BCO2: variants seen among roughly 807,000 people sequenced by gnomAD.
The protein encoded by BCO2 is carotenoid-cleaving dioxygenase, mitochondrial.
BCO2 carries 56 observed loss-of-function variants against 65.8 expected under a neutral mutation model. That is an observed-to-expected ratio of 0.85 (90% confidence interval 0.69 to 1.06). The LOEUF (loss-of-function observed/expected upper bound fraction) is 1.06. Among genes scored for constraint, BCO2 ranks in the 50% least tolerant of loss-of-function variants. The probability of loss-of-function intolerance (pLI) is 0.00; values close to 1 mark genes in which losing one functional copy is unlikely to be tolerated. For synonymous variants in BCO2, 233 were observed against 242.3 expected, an observed-to-expected ratio of 0.96 and a Z score of 0.36; for missense variants, 675 against 698.5, an observed-to-expected ratio of 0.97 and a Z score of 0.38.
chr11:112,195,782 G>A (rs958431090), intron 5 of BCO2, among the ~76,000 whole-genome samples: 3 of 152,198 alleles, frequency 2.0e-5, no homozygotes, highest in Admixed American at 6.5e-5. Context: ...CTAGATCTGT[G>A]ATTTTCAACC....
chr11:112,217,667 G>A, intron 11 of BCO2, 94 bp from the exon 12 acceptor site: 1 of 825,452 alleles, frequency 1.2e-6, no homozygotes, highest in Non-Finnish European at 1.9e-6. Context: ...GACCAACATG[G>A]TCTCTCCATT....
rs771080902 is a variant in BCO2, at chr11:112,214,971, A to G, written c.1515+27A>G. 4 of 1,606,450 alleles carry G rather than the reference A, an allele frequency of 2.5e-6. No homozygotes were observed. The South Asian group carries it at 4.4e-5, about 18-fold the overall frequency. ...TGATGAAAAACTCTTTCCTTTTTGA[A>G]CTTTTCAGAGACCTGTTCTTCCCTT... On this transcript the variant is annotated intron_variant, in intron 10 of 11. Transcript: ENST00000357685.
rs1867826739 is a variant in BCO2, at chr11:112,204,813, C to T, written c.1194+2623C>T. The stretch of plus-strand genomic sequence containing the variant: ...TCAGCCTCCCGAGTAGCTGGGATTA[C>T]AGGCATCTGCCACCATGCCCGTTGT... On this transcript the variant is annotated intron_variant, in intron 8 of 11. Coordinates refer to ENST00000357685, the MANE Select transcript of BCO2 (RefSeq NM_031938.7). Among the ~76,000 whole-genome samples the T allele has an allele frequency of 2.0e-5, 3 of 152,140 alleles. No individual in the cohort carries two copies. In the South Asian group the frequency reaches 6.2e-4, roughly 32 times the overall value.
chr11:112,218,075 T>C lies in BCO2; in HGVS notation c.*201T>C. On this transcript the variant is annotated 3_prime_UTR_variant, in exon 12 of 12. Transcript: ENST00000357685. ...GTCCAAACCTCAGCAGCACACAATA[T>C]ACTCATGTAACAAGCCTGCACATGT... 2.0e-6 allele frequency: 1 copy of C among 495,090 alleles called. No individual in the cohort carries two copies. 30.7% of individuals were successfully genotyped at this position (495,090 alleles called of 1,614,324 possible). A position where few individuals can be genotyped will look rare whatever the true frequency, so the allele number is the denominator to read the frequency against.
intron 10 of BCO2, chr11:112,215,166 G>A (rs2135398654): frequency 5.6e-6 from 3 of 538,006 alleles, no homozygotes; most frequent in East Asian, 6.4e-5. Context: ...GTTTGATTTT[G>A]ATGTTATTTT....
Position 112,186,812 on chromosome 11 carries a change from C to T in BCO2, c.294-6662C>T, listed in dbSNP as rs567447780. Among the ~76,000 whole-genome samples the T allele has an allele frequency of 2.0e-5, 3 of 152,194 alleles. No homozygotes were observed. In the South Asian group the frequency reaches 6.2e-4, roughly 32 times the overall value. On this transcript the variant is annotated intron_variant, in intron 2 of 11. Transcript: ENST00000357685. ...TTCAAGGCTAGCCTGGGCAACATAG[C>T]AAGACTCCATCTCTACAAAAAACAA...
Position 112,216,095 on chromosome 11 carries a change from A to G in BCO2, c.1516-125A>G, listed in dbSNP as rs1190255891. ...GCACTGGGCTCAGCACTCCAGCATG[A>G]GCTTTGGAGGGGACACACATCCAAA... On this transcript the variant is annotated intron_variant, in intron 10 of 11. Coordinates refer to ENST00000357685, the MANE Select transcript of BCO2 (RefSeq NM_031938.7). 5 of 678,804 alleles carry G rather than the reference A, an allele frequency of 7.4e-6. No individual in the cohort carries two copies. In the African/African-American group the frequency reaches 8.9e-5, roughly 12 times the overall value. 42.0% of individuals were successfully genotyped at this position (678,804 alleles called of 1,614,324 possible). A position where few individuals can be genotyped will look rare whatever the true frequency, so the allele number is the denominator to read the frequency against.
At chr11:112,195,468 A>G (rs565541425) in intron 5 of BCO2, among the ~76,000 whole-genome samples, 1 of 144,370 alleles carries the variant, frequency 6.9e-6, no homozygotes, top group South Asian at 2.2e-4. Context: ...TTTTTTTTAC[A>G]AAGGCTCGCT....
intron 2 of BCO2, among the ~76,000 whole-genome samples, chr11:112,188,518 G>A (rs1454082405): frequency 1.3e-5 from 2 of 152,082 alleles, no homozygotes; most frequent in African/African-American, 2.4e-5. Context: ...GCTGGTGGTC[G>A]TGGGCAGACC....
At chr11:112,183,720 T>C (rs1592836999) in intron 2 of BCO2, among the ~76,000 whole-genome samples, 1 of 152,226 alleles carries the variant, frequency 6.6e-6, no homozygotes, top group Non-Finnish European at 1.5e-5. Flanking sequence ...TGTATGAATA[T>C]GGTGAGATCA....
intron 3 of BCO2, 33 bp downstream of exon 3, chr11:112,193,730 A>G (rs1231891931): frequency 1.9e-6 from 3 of 1,586,208 alleles, no homozygotes; most frequent in Non-Finnish European, 1.7e-6. Flanking sequence ...CTATTACGAT[A>G]TATAACCATC....
chr11:112,206,225 C>T (rs1867865247), intron 8 of BCO2, among the ~76,000 whole-genome samples: 1 of 151,256 alleles, frequency 6.6e-6, no homozygotes, highest in Non-Finnish European at 1.5e-5. Context: ...AGGCGCTCCT[C>T]ACTTCCCAGA....
At chr11:112,186,222 GT>G (rs200320806) in intron 2 of BCO2, among the ~76,000 whole-genome samples, 17,393 of 152,268 alleles carry the variant, frequency 0.11, 1,276 homozygotes, top group East Asian at 0.39. Context: ...AGGAGAGGCT[GT>G]AATGTATTGT....
chr11:112,186,595 AC>A (rs1867206781), intron 2 of BCO2, among the ~76,000 whole-genome samples: 1 of 152,320 alleles, frequency 6.6e-6, no homozygotes, highest in South Asian at 2.1e-4. Flanking sequence ...ATGCCATTTA[AC>A]AGATCCATGT....
At chr11:112,214,638 C>G in intron 9 of BCO2, 124 bp from the exon 10 acceptor site, 1 of 671,646 alleles carries the variant, frequency 1.5e-6, no homozygotes, top group Non-Finnish European at 2.5e-6. Context: ...TAAAACATGA[C>G]ATAGAACCTC....
At chr11:112,181,806 A>G in intron 2 of BCO2, 2 of 859,482 alleles carry the variant, frequency 2.3e-6, no homozygotes, top group Non-Finnish European at 4.0e-6. Context: ...CAAAATGGCC[A>G]GTTTAAGCTG....
At position 112,214,828 on chromosome 11, in the gene BCO2, C is replaced by T. The variant is rs763816506; in HGVS notation, c.1399C>T (p.Gln467Ter). The change falls in exon 10 of 12, where the codon CAG becomes TAG. Residue 467 changes from glutamine to a stop codon, truncating the protein, a stop_gained. Transcript: ENST00000357685. LOFTEE classifies it high-confidence loss of function. ...AAAGGAAGGAGGCATTGAATTTCCT[C>T]AGATCTACTATGATCGATTCAGTGG... ...LEKEGGIEFP[Q>*]IYYDRFSGKK... 3 of 1,613,884 alleles carry T rather than the reference C, an allele frequency of 1.9e-6. No individual in the cohort carries two copies. In the African/African-American group the frequency reaches 4.0e-5, roughly 22 times the overall value.
At position 112,214,737 on chromosome 11, in the gene BCO2, C is replaced by A. The variant is rs145242417; in HGVS notation, c.1333-25C>A. 419 of 1,598,748 alleles carry A rather than the reference C, an allele frequency of 2.6e-4. 4 individuals are homozygous for A. The African/African-American group carries it at 5.0e-3, about 19-fold the overall frequency. ...GAAAATAAGAATTAAGCAACCACTA[C>A]AAATCCTTTTGAAATCTCTTTTAGA... On this transcript the variant is annotated intron_variant, in intron 9 of 11. Transcript: ENST00000357685.
At position 112,178,488 on chromosome 11, in the gene BCO2, C is replaced by G. The variant is rs187861617; in HGVS notation, c.89-790C>G. Among the ~76,000 whole-genome samples the G allele has an allele frequency of 3.9e-5, 6 of 152,304 alleles. No homozygotes were observed. The East Asian group carries it at 1.2e-3, about 29-fold the overall frequency. Reference sequence around the variant, plus strand: ...TTTTCTAGCCTAGATTTCTGAATCACTCTTAAACTTTTATGAGATAAAGAA... The same window carrying G: ...TTTTCTAGCCTAGATTTCTGAATCAGTCTTAAACTTTTATGAGATAAAGAA... On this transcript the variant is annotated intron_variant, in intron 1 of 11. Coordinates refer to ENST00000357685, the MANE Select transcript of BCO2 (RefSeq NM_031938.7).
Sources: gnomAD v4.1 joint callset for allele counts (sites outside exome capture counted in the v4.1 genomes callset) on GRCh38, gnomAD v4.1.1 for gene constraint, MANE v1.5 for transcripts, NCBI Gene and HGNC (gene_info 2026-07-23, HGNC 2026-07-21) for gene names.